Variants in ITGB6 observed in about 807,000 individuals in gnomAD.
ITGB6 encodes integrin subunit beta 6, also known as integrin beta-6.
ITGB6 carries 80 observed loss-of-function variants against 84.5 expected under a neutral mutation model. The observed-to-expected ratio is 0.95, with a 90% CI of 0.79 to 1.14. The LOEUF (loss-of-function observed/expected upper bound fraction) is 1.14, where lower values mean the gene tolerates loss of function less well. Among genes scored for constraint, ITGB6 ranks in the 50% most tolerant of loss-of-function variants. The pLI is 0.00. For synonymous variants in ITGB6, 383 were observed against 354.9 expected (o/e 1.08, Z -0.89); for missense variants, 1,006 against 968.0 (o/e 1.04, Z -0.52).
At chr2:160,196,586 T>C (rs1451875836) in intron 2 of ITGB6, among the ~76,000 whole-genome samples, 166 bp from the exon 3 acceptor site, 1 of 152,216 alleles carries the variant, frequency 6.6e-6, no homozygotes, top group African/African-American at 2.4e-5. Context: ...AGTTAAGTTA[T>C]AGGTGAATAA....
chr2:160,142,757 T>C (rs1165096774), intron 7 of ITGB6, among the ~76,000 whole-genome samples: 1 of 152,164 alleles, frequency 6.6e-6, no homozygotes, highest in African/African-American at 2.4e-5. Flanking sequence ...GAACTAGCAA[T>C]ATGAGTTCAT....
At chr2:160,107,563 G>C (rs745399283) in intron 14 of ITGB6, 116 bp downstream of exon 14, 99 of 909,384 alleles carry the variant, frequency 1.1e-4, no homozygotes, top group Non-Finnish European at 1.5e-4. Flanking sequence ...TGGCGAGAGT[G>C]GGAGAGAAAA....
chr2:160,135,764 T>C (rs1345577136), intron 10 of ITGB6, among the ~76,000 whole-genome samples: 2 of 152,022 alleles, frequency 1.3e-5, no homozygotes, highest in Non-Finnish European at 2.9e-5. Context: ...TCTACAACTA[T>C]CTGATCTTTG....
chr2:160,138,270 A>G, intron 8 of ITGB6, 71 bp from the exon 9 acceptor site: 1 of 1,413,074 alleles, frequency 7.1e-7, no homozygotes, highest in Non-Finnish European at 9.5e-7. Context: ...GAAACCGTGA[A>G]TCATGTTCAT....
At chr2:160,144,317 T>C (rs34421565) in intron 7 of ITGB6, among the ~76,000 whole-genome samples, 14,171 of 152,254 alleles carry the variant, frequency 0.093, 724 homozygotes, top group Middle Eastern at 0.19. Context: ...GTGTCCCACA[T>C]TGCTGCCTGA....
In ITGB6 at chr2:160,140,830, G is replaced by C. The variant is rs543416283; in HGVS notation, c.1107+1152C>G. On this transcript the variant is annotated intron_variant, in intron 8 of 14. Transcript: ENST00000283249. ...TCTGAAGAAATGAAGTACTTGAGAG[G>C]GAATATCTTGCTTTTCTTCCTTCAG... Among the ~76,000 whole-genome samples the C allele has an allele frequency of 4.3e-4, 65 of 152,234 alleles. 1 individual carries two copies. The highest frequency in any genetic ancestry group is 1.6e-3 in the African/African-American group (65 of 41,536).
At chr2:160,194,284 A>G (rs1686250613) in intron 4 of ITGB6, among the ~76,000 whole-genome samples, 1 of 152,140 alleles carries the variant, frequency 6.6e-6, no homozygotes, top group Non-Finnish European at 1.5e-5. Context: ...TGGTTAAATT[A>G]TTTTTTATTA....
intron 7 of ITGB6, among the ~76,000 whole-genome samples, chr2:160,145,278 G>A (rs2105829331): frequency 6.6e-6 from 1 of 152,222 alleles, no homozygotes; most frequent in South Asian, 2.1e-4. Flanking sequence ...AAGCTCTTAT[G>A]CTTGGGCTTG....
intron 10 of ITGB6, 94 bp downstream of exon 10, chr2:160,137,340 A>T: frequency 8.6e-7 from 1 of 1,164,132 alleles, no homozygotes; most frequent in Non-Finnish European, 1.2e-6. Context: ...TTGAGCACCT[A>T]CTGTGCCCAG....
chr2:160,129,392 C>CAAAAAAAAAAA (rs374921878), intron 10 of ITGB6, among the ~76,000 whole-genome samples: 2 of 126,820 alleles, frequency 1.6e-5, no homozygotes, highest in African/African-American at 6.0e-5. Context: ...TACTTTTCTT[C>CAAAAAAAAAAA]AAAAAAAAAA....
chr2:160,113,917 G>T (rs1307780674), intron 12 of ITGB6, among the ~76,000 whole-genome samples: 2 of 151,970 alleles, frequency 1.3e-5, no homozygotes, highest in Non-Finnish European at 2.9e-5. Flanking sequence ...TTTTCTTCTT[G>T]GACTGTTTTC....
chr2:160,107,609 T>C lies in ITGB6; in HGVS notation c.2268+70A>G, dbSNP rs367594080. Reference sequence around the variant, plus strand: ...TTGAACTCCCAGAGCAGAAGAAAGCTGAGCCCCTCAATCTCTTCCACCAGC... The same window carrying C: ...TTGAACTCCCAGAGCAGAAGAAAGCCGAGCCCCTCAATCTCTTCCACCAGC... On this transcript the variant is annotated intron_variant, in intron 14 of 14. Coordinates refer to ENST00000283249, the MANE Select transcript of ITGB6 (RefSeq NM_000888.5). 206 of 1,395,376 alleles carry C rather than the reference T, an allele frequency of 1.5e-4. 4 individuals carry two copies. Among genetic ancestry groups the C allele is most frequent in the East Asian group, 8.7e-4 (38 of 43,716 alleles). 86.4% of individuals were successfully genotyped at this position (1,395,376 alleles called of 1,614,324 possible).
intron 7 of ITGB6, among the ~76,000 whole-genome samples, chr2:160,163,528 A>G (rs1684894434): frequency 6.6e-6 from 1 of 151,998 alleles, no homozygotes; most frequent in South Asian, 2.1e-4. Context: ...GCTACTCAGG[A>G]GGCTGAGGCT....
chr2:160,131,973 G>A (rs557368529), intron 10 of ITGB6, among the ~76,000 whole-genome samples: 17 of 152,214 alleles, frequency 1.1e-4, no homozygotes, highest in African/African-American at 3.6e-4. Flanking sequence ...AGATCTCTTT[G>A]ATCCAAGATT....
intron 4 of ITGB6, among the ~76,000 whole-genome samples, chr2:160,188,314 G>T (rs181661006): frequency 2.6e-5 from 4 of 152,286 alleles, no homozygotes; most frequent in East Asian, 1.9e-4. Context: ...GAGAGTTAGG[G>T]CTATAATGGA....
rs539956548 is a variant in ITGB6 at position 160,146,562 on chromosome 2, A to G, written c.1018-4491T>C. The stretch of plus-strand genomic sequence containing the variant: ...ATTGGCTTACATAGACTGAGAATAT[A>G]TGATGTCATATAATCTGCTCACAAA... On this transcript the variant is annotated intron_variant, in intron 7 of 14. Coordinates refer to ENST00000283249, the MANE Select transcript of ITGB6 (RefSeq NM_000888.5). Among the ~76,000 whole-genome samples the G allele has an allele frequency of 2.6e-3, 400 of 152,316 alleles. 1 individual carries two copies. Among genetic ancestry groups the G allele is most frequent in the Non-Finnish European group, 4.2e-3 (284 of 68,018 alleles).
At chr2:160,149,440 C>G (rs1057053330) in intron 7 of ITGB6, among the ~76,000 whole-genome samples, 14 of 152,186 alleles carry the variant, frequency 9.2e-5, no homozygotes, top group Admixed American at 9.2e-4. Flanking sequence ...CACCAAAACC[C>G]CATCTGTAGG....
At chr2:160,102,939 C>T (rs1230580480) in intron 14 of ITGB6, among the ~76,000 whole-genome samples, 1 of 152,108 alleles carries the variant, frequency 6.6e-6, no homozygotes, top group Admixed American at 6.5e-5. Flanking sequence ...TAAATGCTGC[C>T]TCTTCTCATT....
chr2:160,105,982 C>G (rs1265713451), intron 14 of ITGB6, among the ~76,000 whole-genome samples: 1 of 152,198 alleles, frequency 6.6e-6, no homozygotes, highest in Non-Finnish European at 1.5e-5. Context: ...AGACCCATCG[C>G]TCAGATTCCA....
Sources: allele counts gnomAD v4.1 joint callset (sites outside exome capture counted in the v4.1 genomes callset), GRCh38; gene constraint gnomAD v4.1.1; transcripts MANE v1.5; gene names NCBI Gene and HGNC (gene_info 2026-07-23, HGNC 2026-07-21).